The following GAN variants were observed in gnomAD, a reference collection of about 807,000 sequenced individuals.
GAN encodes the protein epididymis secretory sperm binding protein.
In GAN, 48 loss-of-function variants were observed where a neutral mutation model predicts 71.3. The ratio of observed to expected loss-of-function variants is 0.67; its 90% CI spans 0.53 to 0.86. The LOEUF (loss-of-function observed/expected upper bound fraction) is 0.86. Ranked by LOEUF, GAN falls within the 40% of genes least tolerant of loss-of-function variation. GAN has a pLI of 0.00. For synonymous variants in GAN, 386 were observed against 276.8 expected, an observed-to-expected ratio of 1.39 and a Z score of -3.92; for missense variants, 928 against 770.1, an observed-to-expected ratio of 1.21 and a Z score of -2.43.
intron 1 of GAN, among the ~76,000 whole-genome samples, chr16:81,335,528 A>C (rs12925975): frequency 0.79 from 119,831 of 151,820 alleles, 47,506 homozygotes; most frequent in East Asian, 0.94. Flanking sequence ...GGGCAGATCA[A>C]CTGAGGTCAG....
chr16:81,344,820 A>G (rs1410862148), intron 1 of GAN, among the ~76,000 whole-genome samples: 2 of 152,214 alleles, frequency 1.3e-5, no homozygotes, highest in Non-Finnish European at 2.9e-5. Flanking sequence ...CGGGCAACCT[A>G]CAGAATGGGA....
chr16:81,362,326 G>C (rs1284247115), intron 5 of GAN, among the ~76,000 whole-genome samples, 173 bp from the exon 6 acceptor site: 1 of 152,184 alleles, frequency 6.6e-6, no homozygotes, highest in Non-Finnish European at 1.5e-5. Flanking sequence ...TGGTCAAAGT[G>C]ATGGTTTGGC....
At position 81,385,710 on chromosome 16, in the gene GAN, C is replaced by T. The variant is rs1224224596; in HGVS notation, c.*8114C>T. On this transcript the variant is annotated 3_prime_UTR_variant, in exon 11 of 11. Transcript: ENST00000648994. Reference sequence around the variant, plus strand: ...CAGGCCTTATAGCTTTCCACATTCTCACGTCTGCTGCCACATGATATACAA... The same window carrying T: ...CAGGCCTTATAGCTTTCCACATTCTTACGTCTGCTGCCACATGATATACAA... 1 of 151,850 alleles carries T rather than the reference C, an allele frequency of 6.6e-6. No homozygotes were observed. Among genetic ancestry groups the T allele is most frequent in the Non-Finnish European group, 1.5e-5 (1 of 68,046 alleles). The allele number at this position is 151,850 out of a possible 1,614,324, so 9.4% of individuals were successfully genotyped here.
At chr16:81,334,185 C>T (rs1279722948) in intron 1 of GAN, among the ~76,000 whole-genome samples, 1 of 152,178 alleles carries the variant, frequency 6.6e-6, no homozygotes, top group Non-Finnish European at 1.5e-5. Flanking sequence ...TATATTTCCT[C>T]TTCAAAGTGG....
chr16:81,381,211 G>T lies in GAN; in HGVS notation c.*3615G>T, dbSNP rs1350245062. The T allele has an allele frequency of 1.3e-5, 2 of 152,166 alleles. No homozygotes were observed. The highest frequency in any genetic ancestry group is 2.9e-5 in the Non-Finnish European group (2 of 68,034). The allele number at this position is 152,166 out of a possible 1,614,324, so 9.4% of individuals were successfully genotyped here. A position where few individuals can be genotyped will look rare whatever the true frequency, so the allele number is the denominator to read the frequency against. ...TCTAGAGAAATGTCTTAGCTGCTGT[G>T]GTCCATTAGAGTTCCCTTTGGTACA... is the stretch of plus-strand genomic sequence containing the variant. On this transcript the variant is annotated 3_prime_UTR_variant, in exon 11 of 11. Coordinates refer to ENST00000648994, the MANE Select transcript of GAN (RefSeq NM_022041.4).
chr16:81,371,539 C>T (rs920258839), intron 9 of GAN, among the ~76,000 whole-genome samples: 1 of 152,166 alleles, frequency 6.6e-6, no homozygotes, highest in Admixed American at 6.5e-5. Context: ...AAATCTCAGT[C>T]CAGTTCTCGA....
chr16:81,354,432 G>C lies in GAN; in HGVS notation c.310G>C (p.Asp104His). 1 of 1,612,604 alleles carries C rather than the reference G, an allele frequency of 6.2e-7. No individual in the cohort carries two copies. Among genetic ancestry groups the C allele is most frequent in the Non-Finnish European group, 8.5e-7 (1 of 1,178,576 alleles). ...QIRLNEDTIQ[D>H]VVQAADLLLL... is the part of the protein sequence containing the mutation. ...CAGGCTAAATGAAGATACAATCCAA[G>C]ATGTTGTTCAGGCAGCTGACCTGCT... Residue 104 changes from aspartate (D) to histidine (H), a missense_variant, in exon 3 of 11, where the codon GAT becomes CAT. Asp to His is a moderately conservative substitution (Grantham distance 81). Transcript: ENST00000648994.
intron 1 of GAN, among the ~76,000 whole-genome samples, chr16:81,333,889 G>A (rs1012703329): frequency 3.1e-4 from 47 of 152,276 alleles, no homozygotes; most frequent in African/African-American, 9.6e-4. Context: ...AGTTGTGCAC[G>A]TCCACAATCC....
chr16:81,374,214 A>G (rs187769412), intron 9 of GAN, among the ~76,000 whole-genome samples: 231 of 152,370 alleles, frequency 1.5e-3, no homozygotes, highest in African/African-American at 5.2e-3. Flanking sequence ...TCTCTGCATC[A>G]TATCAGGGAG....
chr16:81,321,563 C>A (rs376725158), intron 1 of GAN, among the ~76,000 whole-genome samples: 132 of 152,230 alleles, frequency 8.7e-4, no homozygotes, highest in African/African-American at 3.1e-3. Context: ...TTCAAAACCG[C>A]CTTATCCATT....
intron 9 of GAN, among the ~76,000 whole-genome samples, chr16:81,376,469 G>C (rs1313615739): frequency 2.8e-5 from 3 of 108,188 alleles, no homozygotes; most frequent in South Asian, 2.7e-4. Flanking sequence ...ATACATATGT[G>C]TGTGTGTGTG....
At position 81,315,239 on chromosome 16, in the gene GAN, G is replaced by C; in HGVS notation, c.126G>C (p.Pro42=). ...TGGTCCTCGACGGGGAGGAGATCCC[G>C]GTGCAGAAGAACATCCTGGCGGCGG... ...AHLVLDGEEI[P]VQKNILAAAS... is the part of the protein sequence containing the mutation. The change falls in exon 1 of 11, where the codon CCG becomes CCC. Residue 42 remains proline, a synonymous_variant. Transcript: ENST00000648994. 6.3e-7 allele frequency: 1 copy of C among 1,579,922 alleles called. No individual in the cohort carries two copies. Among genetic ancestry groups the C allele is most frequent in the Non-Finnish European group, 8.6e-7 (1 of 1,165,166 alleles).
Position 81,354,480 on chromosome 16 carries a change from C to T in GAN, c.358C>T (p.Leu120=), listed in dbSNP as rs113655220. ...DLLLLTDLKT[L]CCEFLEGCIA... The stretch of plus-strand genomic sequence containing the variant: ...GCTGCTACTGACGGACCTTAAAACC[C>T]TGTGCTGTGAGTTTTTGGAAGGCTG... Residue 120 remains leucine, a synonymous_variant, in exon 3 of 11, where the codon CTG becomes TTG. Transcript: ENST00000648994. 160 of 1,614,104 alleles carry T rather than the reference C, an allele frequency of 9.9e-5. No individual in the cohort carries two copies. The African/African-American group carries it at 1.7e-3, about 18-fold the overall frequency.
At chr16:81,325,094 T>C (rs1206211979) in intron 1 of GAN, among the ~76,000 whole-genome samples, 1 of 152,238 alleles carries the variant, frequency 6.6e-6, no homozygotes, top group Admixed American at 6.5e-5. Flanking sequence ...TGTTGGCTTC[T>C]TCATCGTCAC....
chr16:81,344,349 C>G (rs367970636), intron 1 of GAN, among the ~76,000 whole-genome samples: 3 of 152,156 alleles, frequency 2.0e-5, no homozygotes, highest in East Asian at 3.8e-4. Flanking sequence ...GGAGGCATCA[C>G]GCTACCTGAC....
rs552171979 is a variant in GAN at position 81,315,541 on chromosome 16, C to T, written c.167+261C>T. 2.6e-5 allele frequency among the ~76,000 whole-genome samples: 4 copies of T among 152,164 alleles called. No individual in the cohort carries two copies. In the East Asian group the frequency reaches 5.8e-4, roughly 22 times the overall value. On this transcript the variant is annotated intron_variant, in intron 1 of 10. Coordinates refer to ENST00000648994, the MANE Select transcript of GAN (RefSeq NM_022041.4). ...CTTGGAGTTGTCCCCGGACCCGGGC[C>T]GCGATCCCCCGCCTTGTCCCTCCCG...
rs764299476 is a variant in GAN, at chr16:81,357,798, T to G, written c.852-12T>G. On this transcript the variant is annotated splice_polypyrimidine_tract_variant and intron_variant, in intron 4 of 10. Coordinates refer to ENST00000648994, the MANE Select transcript of GAN (RefSeq NM_022041.4). ...AGCACATTAACTACTGATCACTTAT[T>G]TACTTCCTTAGTTCACGGAAACCCA... 1.2e-6 allele frequency: 2 copies of G among 1,611,508 alleles called. No homozygotes were observed. The highest frequency in any genetic ancestry group is 2.2e-5 in the South Asian group (2 of 91,036).
chr16:81,357,639 G>C (rs887723708), intron 4 of GAN, among the ~76,000 whole-genome samples, 171 bp from the exon 5 acceptor site: 1 of 152,170 alleles, frequency 6.6e-6, no homozygotes, highest in Non-Finnish European at 1.5e-5. Context: ...GGATGGCTGG[G>C]TCAAATGGCA....
intron 4 of GAN, among the ~76,000 whole-genome samples, chr16:81,357,334 C>T (rs1379857466): frequency 1.3e-5 from 2 of 152,144 alleles, no homozygotes; most frequent in Non-Finnish European, 2.9e-5. Flanking sequence ...TCAGTTCCCA[C>T]CTATGAGTGA....
Sources: gnomAD v4.1 joint callset for allele counts (sites outside exome capture counted in the v4.1 genomes callset) on GRCh38, gnomAD v4.1.1 for gene constraint, MANE v1.5 for transcripts, NCBI Gene and HGNC (gene_info 2026-07-23, HGNC 2026-07-21) for gene names.